The following COL4A3 variants were observed in gnomAD, a reference collection of about 807,000 sequenced individuals.
The protein encoded by COL4A3 is collagen alpha-3(IV) chain.
Under a neutral mutation model 217.4 loss-of-function variants are expected in COL4A3, and 135 were observed. That is an observed-to-expected ratio of 0.62 (90% confidence interval 0.54 to 0.72). COL4A3 has a LOEUF of 0.72. Ranked by LOEUF, COL4A3 falls within the 30% of genes least tolerant of loss-of-function variation. COL4A3 has a pLI of 0.00. For synonymous variants in COL4A3, 690 were observed against 736.3 expected, an observed-to-expected ratio of 0.94 and a Z score of 1.02; for missense variants, 1,868 against 2,119.9, an observed-to-expected ratio of 0.88 and a Z score of 2.33.
chr2:227,244,215 G>A, intron 3 of COL4A3, 105 bp from the exon 4 acceptor site: 1 of 868,348 alleles, frequency 1.2e-6, no homozygotes, highest in Admixed American at 1.8e-5. Flanking sequence ...TAATCAGAAG[G>A]GCAAAACAGC....
At chr2:227,179,953 A>C (rs1376134300) in intron 1 of COL4A3, among the ~76,000 whole-genome samples, 1 of 152,246 alleles carries the variant, frequency 6.6e-6, no homozygotes, top group East Asian at 1.9e-4. Flanking sequence ...GCGTAAGTGC[A>C]ACGGAGCCAG....
intron 1 of COL4A3, among the ~76,000 whole-genome samples, chr2:227,201,353 G>A (rs1343092420): frequency 2.0e-5 from 3 of 151,860 alleles, no homozygotes; most frequent in Non-Finnish European, 4.4e-5. Flanking sequence ...ATAGTTAGGT[G>A]GAATCAAAAA....
intron 8 of COL4A3, 42 bp downstream of exon 8, chr2:227,247,626 G>A (rs766960795): frequency 2.9e-5 from 46 of 1,597,548 alleles, no homozygotes; most frequent in Non-Finnish European, 3.7e-5. Flanking sequence ...ATCTCTAACT[G>A]TACATATGAA....
intron 17 of COL4A3, 128 bp downstream of exon 17, chr2:227,256,524 C>A (rs1388952841): frequency 2.4e-6 from 2 of 840,152 alleles, no homozygotes; most frequent in African/African-American, 1.7e-5. Flanking sequence ...CCTACTAGGT[C>A]TGTTAAGAAG....
At chr2:227,304,612 G>A (rs1394952073) in intron 46 of COL4A3, among the ~76,000 whole-genome samples, 3 of 152,264 alleles carry the variant, frequency 2.0e-5, no homozygotes, top group East Asian at 1.9e-4. Flanking sequence ...ACAGCATATC[G>A]TAATAGGCTT....
At chr2:227,171,722 G>A (rs570905492) in intron 1 of COL4A3, among the ~76,000 whole-genome samples, 29 of 152,290 alleles carry the variant, frequency 1.9e-4, no homozygotes, top group Non-Finnish European at 3.4e-4. Flanking sequence ...TCTGAAGAAA[G>A]AATTCAACTG....
At position 227,290,088 on chromosome 2, in the gene COL4A3, G is replaced by C. The variant is rs1478328374; in HGVS notation, c.3070G>C (p.Gly1024Arg). 1 of 1,613,854 alleles carries C rather than the reference G, an allele frequency of 6.2e-7. No homozygotes were observed. Among genetic ancestry groups the C allele is most frequent in the Non-Finnish European group, 8.5e-7 (1 of 1,179,824 alleles). The change falls in exon 36 of 52, where the codon GGT becomes CGT. Residue 1024 changes from glycine to arginine, a missense_variant and splice_region_variant. Gly to Arg is a moderately radical substitution (Grantham distance 125, BLOSUM62 -2). Around this residue, in one of 2 missense-constraint regions of COL4A3, gnomAD observed 1,503 missense variants for 1,786.1 expected, o/e 0.84. Coordinates refer to ENST00000396578, the MANE Select transcript of COL4A3 (RefSeq NM_000091.5). Reference sequence around the variant, plus strand: ...AAGCATGGGGAACATGGGCATGCCAGGTAATGCATAAGGTCCTGTTATGAG... The same window carrying C: ...AAGCATGGGGAACATGGGCATGCCACGTAATGCATAAGGTCCTGTTATGAG... ...PGSMGNMGMPGSKGKRGTLGF... is the reference protein window; with the variant it reads ...PGSMGNMGMPRSKGKRGTLGF...
At position 227,253,530 on chromosome 2, in the gene COL4A3, T is replaced by A; in HGVS notation, c.688-31T>A. 1 of 1,578,860 alleles carries A rather than the reference T, an allele frequency of 6.3e-7. No individual in the cohort carries two copies. ...ATTGAAATGTTGATGCTGTTGTTTA[T>A]TTTCTCACTCCTGAGTGTTTTTGTC... On this transcript the variant is annotated intron_variant, in intron 12 of 51. Coordinates refer to ENST00000396578, the MANE Select transcript of COL4A3 (RefSeq NM_000091.5). This position sits in a 1 kb window ranked among gnomAD's most constrained non-coding sequence, Gnocchi z 4.4.
intron 1 of COL4A3, among the ~76,000 whole-genome samples, chr2:227,188,041 GT>G (rs2066094995): frequency 6.6e-6 from 1 of 151,208 alleles, no homozygotes; most frequent in South Asian, 2.1e-4. Flanking sequence ...CCACTGTTTT[GT>G]TTTTATGAGG....
Position 227,164,780 on chromosome 2 carries a change from G to A in COL4A3, c.54G>A (p.Leu18=), listed in dbSNP as rs1221126395. The A allele has an allele frequency of 2.6e-6, 4 of 1,521,532 alleles. No individual in the cohort carries two copies. Among genetic ancestry groups the A allele is most frequent in the African/African-American group, 2.8e-5 (2 of 70,724 alleles). 94.3% of individuals were successfully genotyped at this position (1,521,532 alleles called of 1,614,324 possible). A position where few individuals can be genotyped will look rare whatever the true frequency, so the allele number is the denominator to read the frequency against. The change falls in exon 1 of 52, where the codon CTG becomes CTA. Residue 18 remains leucine, a synonymous_variant. Coordinates refer to ENST00000396578, the MANE Select transcript of COL4A3 (RefSeq NM_000091.5). This position sits in a 1 kb window ranked among gnomAD's most constrained non-coding sequence, Gnocchi z 4.8. ...RPQVLLLPLL[L]VLLAAAPAAS... is the part of the protein sequence containing the mutation. ...AGGTGCTCCTGCTGCCGCTCCTGCTGGTGCTCCTGGCGGCGGCGCCCGCAG... is the reference window on the plus strand; with the variant it reads ...AGGTGCTCCTGCTGCCGCTCCTGCTAGTGCTCCTGGCGGCGGCGCCCGCAG...
chr2:227,255,756 CT>C, intron 15 of COL4A3, among the ~76,000 whole-genome samples: 1 of 152,040 alleles, frequency 6.6e-6, no homozygotes, highest in East Asian at 1.9e-4. Context: ...AGCATCAGCT[CT>C]AATTTAAGTT....
intron 23 of COL4A3, chr2:227,268,702 CA>C (rs1351976144): frequency 2.6e-5 from 4 of 152,026 alleles, no homozygotes; most frequent in Non-Finnish European, 5.9e-5. Context: ...AGGGAAGGGG[CA>C]GGGGGGAGGT....
intron 1 of COL4A3, among the ~76,000 whole-genome samples, chr2:227,201,123 G>A (rs368046032): frequency 3.9e-5 from 6 of 152,180 alleles, no homozygotes; most frequent in African/African-American, 1.4e-4. Flanking sequence ...TTACCTTAAT[G>A]ACTCTCTTTT....
intron 1 of COL4A3, among the ~76,000 whole-genome samples, chr2:227,192,335 T>C (rs941171324): frequency 6.6e-6 from 1 of 152,236 alleles, no homozygotes; most frequent in Admixed American, 6.5e-5. Context: ...TTTCTTCATG[T>C]GCACATAATG....
chr2:227,198,777 A>G (rs1035387244), intron 1 of COL4A3, among the ~76,000 whole-genome samples: 5 of 152,240 alleles, frequency 3.3e-5, no homozygotes, highest in African/African-American at 9.7e-5. Flanking sequence ...AAAGGAAAAG[A>G]TATTCCATAT....
intron 1 of COL4A3, among the ~76,000 whole-genome samples, chr2:227,212,688 G>A (rs1166248811): frequency 2.0e-5 from 3 of 152,172 alleles, no homozygotes; most frequent in African/African-American, 7.2e-5. Context: ...GAATCTAGAA[G>A]GGCAAGCTCC....
chr2:227,168,044 C>T (rs1448782903), intron 1 of COL4A3, among the ~76,000 whole-genome samples: 3 of 152,124 alleles, frequency 2.0e-5, no homozygotes, highest in Non-Finnish European at 2.9e-5. Context: ...CATGTTGGTA[C>T]ATATAGATAT....
At chr2:227,203,394 T>C (rs1349946326) in intron 1 of COL4A3, among the ~76,000 whole-genome samples, 1 of 58,790 alleles carries the variant, frequency 1.7e-5, no homozygotes, top group African/African-American at 6.8e-5. Flanking sequence ...TATGTGTATA[T>C]ATGTGTATAC....
At chr2:227,203,009 A>C (rs865840449) in intron 1 of COL4A3, among the ~76,000 whole-genome samples, 1 of 25,382 alleles carries the variant, frequency 3.9e-5, no homozygotes, top group East Asian at 9.6e-4. Flanking sequence ...GTATATATAC[A>C]TATATGTGTA....
Sources: gnomAD v4.1 joint callset for allele counts (sites outside exome capture counted in the v4.1 genomes callset) on GRCh38, gnomAD v4.1.1 for gene constraint, gnomAD v4.1.1 regional missense constraint, Gnocchi (gnomAD v3.1) non-coding constraint, MANE v1.5 for transcripts, NCBI Gene and HGNC (gene_info 2026-07-23, HGNC 2026-07-21) for gene names.